The following CLSTN2 variants were observed in gnomAD, a reference collection of about 807,000 sequenced individuals.
The protein encoded by CLSTN2 is calsyntenin-2.
CLSTN2 carries 48 observed loss-of-function variants against 101.2 expected under a neutral mutation model. The ratio of observed to expected loss-of-function variants is 0.47; its 90% CI spans 0.38 to 0.60. The LOEUF is 0.60. Among genes scored for constraint, CLSTN2 ranks in the 20% least tolerant of loss-of-function variants. The probability of loss-of-function intolerance (pLI) is 0.00; values close to 1 mark genes in which losing one functional copy is unlikely to be tolerated. For synonymous variants in CLSTN2, 481 were observed against 463.6 expected (o/e 1.04, Z -0.48); for missense variants, 1,160 against 1,238.2 (o/e 0.94, Z 0.95).
intron 8 of CLSTN2, among the ~76,000 whole-genome samples, chr3:140,499,835 C>A (rs1267191275): frequency 1.3e-5 from 2 of 152,124 alleles, no homozygotes; most frequent in African/African-American, 2.4e-5. Context: ...GAGGCCAAGG[C>A]AGGCGGATCA....
At chr3:140,276,918 GC>G (rs1464022117) in intron 2 of CLSTN2, among the ~76,000 whole-genome samples, 2 of 152,182 alleles carry the variant, frequency 1.3e-5, no homozygotes, top group Non-Finnish European at 2.9e-5. Flanking sequence ...AGGCAGAGAA[GC>G]AGGGAGAGGC....
At chr3:140,397,055 T>G (rs1253109565) in intron 2 of CLSTN2, among the ~76,000 whole-genome samples, 1 of 152,040 alleles carries the variant, frequency 6.6e-6, no homozygotes, top group African/African-American at 2.4e-5. Flanking sequence ...TTCATTCACT[T>G]AAAAAATAAC....
intron 1 of CLSTN2, among the ~76,000 whole-genome samples, chr3:140,032,331 A>C (rs1576403377): frequency 1.5e-5 from 2 of 136,558 alleles, no homozygotes; most frequent in South Asian, 2.3e-4. Flanking sequence ...GCTAACAAGT[A>C]CTTTTTTTTT....
intron 9 of CLSTN2, among the ~76,000 whole-genome samples, chr3:140,535,726 C>T (rs149144226): frequency 2.2e-4 from 33 of 152,292 alleles, no homozygotes; most frequent in African/African-American, 7.7e-4. Flanking sequence ...AAATGTTATT[C>T]GTCACAATTT....
intron 9 of CLSTN2, among the ~76,000 whole-genome samples, chr3:140,543,974 T>C (rs1935535672): frequency 6.6e-6 from 1 of 152,204 alleles, no homozygotes; most frequent in African/African-American, 2.4e-5. Context: ...AAAGACAGTC[T>C]GTCTCTGGAG....
chr3:140,341,144 A>G (rs1422535322), intron 2 of CLSTN2, among the ~76,000 whole-genome samples: 1 of 152,084 alleles, frequency 6.6e-6, no homozygotes, highest in Non-Finnish European at 1.5e-5. Context: ...ATTGCTGCAT[A>G]TTATCTAAGG....
intron 9 of CLSTN2, among the ~76,000 whole-genome samples, chr3:140,542,439 G>C (rs1469386209): frequency 6.6e-6 from 1 of 152,046 alleles, no homozygotes. Context: ...AAAAAATCAG[G>C]TTAAGATGAT....
At chr3:140,199,840 G>A (rs543567411) in intron 2 of CLSTN2, among the ~76,000 whole-genome samples, 1 of 152,362 alleles carries the variant, frequency 6.6e-6, no homozygotes, top group African/African-American at 2.4e-5. Context: ...TGGACTCAGA[G>A]TTGGCTGCTA....
chr3:139,974,727 A>G (rs61707289), intron 1 of CLSTN2, among the ~76,000 whole-genome samples: 2,523 of 152,330 alleles, frequency 0.017, 58 homozygotes, highest in African/African-American at 0.056. Context: ...ACAAAGTACA[A>G]TAATATTCTT....
chr3:140,398,669 T>G (rs1286993857), intron 2 of CLSTN2, among the ~76,000 whole-genome samples: 1 of 152,216 alleles, frequency 6.6e-6, no homozygotes, highest in Non-Finnish European at 1.5e-5. Context: ...ATTTTAGTCC[T>G]TAGTTGGCTT....
intron 2 of CLSTN2, among the ~76,000 whole-genome samples, chr3:140,180,577 A>G (rs937231916): frequency 1.3e-5 from 2 of 152,172 alleles, no homozygotes; most frequent in Non-Finnish European, 2.9e-5. Flanking sequence ...ATTAATTTCT[A>G]CCTGTGCCCC....
At chr3:140,309,890 A>T (rs938438905) in intron 2 of CLSTN2, among the ~76,000 whole-genome samples, 47 of 152,128 alleles carry the variant, frequency 3.1e-4, no homozygotes, top group Non-Finnish European at 1.5e-5. Flanking sequence ...ATAAAAACAC[A>T]TATACCACAT....
In CLSTN2 at chr3:140,532,479, T is replaced by C; in HGVS notation, c.1500T>C (p.Cys500=). The C allele has an allele frequency of 1.2e-6, 2 of 1,612,814 alleles. No individual in the cohort carries two copies. The highest frequency in any genetic ancestry group is 1.1e-5 in the South Asian group (1 of 90,790). The change falls in exon 9 of 17, where the codon TGT becomes TGC. Residue 500 remains cysteine, a synonymous_variant. Coordinates refer to ENST00000458420, the MANE Select transcript of CLSTN2 (RefSeq NM_022131.3). The part of the protein sequence containing the change: ...HIAMQLTVGA[C]WQGGEVTKPQ... Reference sequence around the variant, plus strand: ...CCATGCAACTCACAGTCGGCGCTTGTTGGCAAGGTAATCCTAAGTGAAACC... The same window carrying C: ...CCATGCAACTCACAGTCGGCGCTTGCTGGCAAGGTAATCCTAAGTGAAACC...
intron 2 of CLSTN2, among the ~76,000 whole-genome samples, chr3:140,356,697 G>A (rs184964976): frequency 6.9e-6 from 1 of 144,674 alleles, no homozygotes; most frequent in Non-Finnish European, 1.5e-5. Context: ...AGCGGAGGTT[G>A]CAATGAGCCG....
At chr3:140,077,691 GAAAA>G (rs1195987849) in intron 1 of CLSTN2, among the ~76,000 whole-genome samples, 2 of 143,200 alleles carry the variant, frequency 1.4e-5, no homozygotes, top group African/African-American at 2.5e-5. Flanking sequence ...TAGAGGGGAG[GAAAA>G]AAAAAAAACC....
intron 2 of CLSTN2, among the ~76,000 whole-genome samples, chr3:140,251,063 G>A (rs1425856406): frequency 6.6e-6 from 1 of 152,180 alleles, no homozygotes; most frequent in Non-Finnish European, 1.5e-5. Flanking sequence ...CCGCCCACAT[G>A]TGGGACATGG....
chr3:139,943,610 CA>C (rs1455698880), intron 1 of CLSTN2, among the ~76,000 whole-genome samples: 1 of 152,144 alleles, frequency 6.6e-6, no homozygotes, highest in East Asian at 1.9e-4. Context: ...CAGACGATAC[CA>C]CCAGCACCTA....
rs773650087 is a variant in CLSTN2 at position 140,054,695 on chromosome 3, G to A, written c.109+119212G>A. Among the ~76,000 whole-genome samples the A allele has an allele frequency of 7.1e-4, 108 of 152,328 alleles. No homozygotes were observed. The Middle Eastern group carries it at 0.027, about 38-fold the overall frequency. On this transcript the variant is annotated intron_variant, in intron 1 of 16. Coordinates refer to ENST00000458420, the MANE Select transcript of CLSTN2 (RefSeq NM_022131.3). ...ATGTATAGGACAAGCCACTGCATAT[G>A]AGTTTGTAGGGGGTGTATGTGATCA...
At chr3:140,294,554 TC>T (rs2086984366) in intron 2 of CLSTN2, among the ~76,000 whole-genome samples, 1 of 148,048 alleles carries the variant, frequency 6.8e-6, no homozygotes, top group Non-Finnish European at 1.5e-5. Flanking sequence ...TTATATGGCC[TC>T]CCCAATGTCT....
Sources: allele counts gnomAD v4.1 joint callset (sites outside exome capture counted in the v4.1 genomes callset), GRCh38; gene constraint gnomAD v4.1.1; transcripts MANE v1.5; gene names NCBI Gene and HGNC (gene_info 2026-07-23, HGNC 2026-07-21).